The following AKT2 variants were observed in gnomAD, a reference collection of about 807,000 sequenced individuals.
AKT2 encodes RAC-beta serine/threonine-protein kinase.
AKT2 carries 16 observed loss-of-function variants against 58.6 expected under a neutral mutation model. The observed-to-expected ratio is 0.27, with a 90% CI of 0.18 to 0.41. The LOEUF is 0.41. AKT2 is among the 10% of genes least tolerant of loss of function. The probability of loss-of-function intolerance (pLI) is 1.00; values close to 1 mark genes in which losing one functional copy is unlikely to be tolerated. For synonymous variants in AKT2, 253 were observed against 254.0 expected (o/e 1.00, Z 0.04); for missense variants, 438 against 661.0 (o/e 0.66, Z 3.70).
intron 4 of AKT2, among the ~76,000 whole-genome samples, chr19:40,253,334 A>C (rs1385510901): frequency 6.6e-6 from 1 of 152,206 alleles, no homozygotes; most frequent in African/African-American, 2.4e-5. Flanking sequence ...TGTTTCTCAA[A>C]GTGAGGCCCA....
At chr19:40,267,350 C>T (rs1437414650) in intron 1 of AKT2, among the ~76,000 whole-genome samples, 3 of 152,148 alleles carry the variant, frequency 2.0e-5, no homozygotes, top group African/African-American at 4.8e-5. Flanking sequence ...AGGACCATGA[C>T]GTTGACTATT....
At position 40,285,333 on chromosome 19, in the gene AKT2, C is replaced by A. The variant is rs1030461830; in HGVS notation, c.-237G>T. ...GACGCCTCCTCCGAGGCAGGCCCAA[C>A]GGCTAGCACGGCGCGGCCCCCCCCG... On this transcript the variant is annotated 5_prime_UTR_variant, in exon 1 of 14. Transcript: ENST00000392038. 1.5e-5 allele frequency: 6 copies of A among 393,332 alleles called. No individual in the cohort carries two copies. The highest frequency in any genetic ancestry group is 6.4e-4 in the Middle Eastern group (1 of 1,558). The allele number at this position is 393,332 out of a possible 1,614,324, so 24.4% of individuals were successfully genotyped here.
At chr19:40,283,244 T>G (rs1035022412) in intron 1 of AKT2, 1 of 152,214 alleles carries the variant, frequency 6.6e-6, no homozygotes, top group Non-Finnish European at 1.5e-5. Flanking sequence ...TTCAGCAAGT[T>G]TATCTATATG....
chr19:40,248,006 G>A (rs999144224), intron 4 of AKT2, among the ~76,000 whole-genome samples: 1 of 152,194 alleles, frequency 6.6e-6, no homozygotes, highest in Non-Finnish European at 1.5e-5. Context: ...CACAGTACGG[G>A]GCAAGCACAG....
chr19:40,247,635 C>T (rs1433511607), intron 4 of AKT2, among the ~76,000 whole-genome samples: 1 of 152,198 alleles, frequency 6.6e-6, no homozygotes, highest in African/African-American at 2.4e-5. Context: ...AAGCCATGAT[C>T]TGCACCCGCT....
chr19:40,252,093 A>G (rs1975200080), intron 4 of AKT2, among the ~76,000 whole-genome samples: 1 of 152,156 alleles, frequency 6.6e-6, no homozygotes, highest in African/African-American at 2.4e-5. Context: ...CCTAGCCAAC[A>G]AGCAGTCACC....
intron 1 of AKT2, among the ~76,000 whole-genome samples, chr19:40,271,082 G>A (rs549133687): frequency 8.0e-4 from 120 of 150,564 alleles, no homozygotes; most frequent in Non-Finnish European, 1.4e-3. Context: ...GCTCACACCT[G>A]TAATCTCAGC....
intron 1 of AKT2, chr19:40,282,268 C>A (rs1195553726): frequency 3.0e-6 from 1 of 334,114 alleles, no homozygotes; most frequent in African/African-American, 2.2e-5. Context: ...TCATTTAATC[C>A]TCACAACAGC....
chr19:40,254,952 T>C (rs113927139), intron 4 of AKT2, among the ~76,000 whole-genome samples: 6 of 152,116 alleles, frequency 3.9e-5, no homozygotes, highest in African/African-American at 1.4e-4. Context: ...GTGATTCCGA[T>C]GCACCCGCAA....
intron 4 of AKT2, among the ~76,000 whole-genome samples, chr19:40,249,987 C>T (rs576806885): frequency 2.6e-5 from 4 of 152,228 alleles, no homozygotes; most frequent in South Asian, 2.1e-4. Flanking sequence ...CTTAGACAAA[C>T]GCGACAGCAA....
Position 40,238,888 on chromosome 19 carries a change from AG to A in AKT2, c.708+16del. ...AAGGAGGCCCCAGAGGGCAAAGTCA[AG>A]GCAGCCGCGGCTCACCTCACCCCCG... On this transcript the variant is annotated intron_variant, in intron 8 of 13. Coordinates refer to ENST00000392038, the MANE Select transcript of AKT2 (RefSeq NM_001626.6). This position sits in a 1 kb window ranked among gnomAD's most constrained non-coding sequence, Gnocchi z 5.1. 6.2e-7 allele frequency: 1 copy of A among 1,613,936 alleles called. No individual in the cohort carries two copies. Among genetic ancestry groups the A allele is most frequent in the South Asian group, 1.1e-5 (1 of 91,080 alleles).
In AKT2 at chr19:40,265,229, G is replaced by C; in HGVS notation, c.39C>G (p.His13Gln). 2 of 1,613,282 alleles carry C rather than the reference G, an allele frequency of 1.2e-6. No individual in the cohort carries two copies. The highest frequency in any genetic ancestry group is 2.2e-5 in the South Asian group (2 of 90,802). The change falls in exon 2 of 14, where the codon CAC becomes CAG. Residue 13 changes from histidine to glutamine, a missense_variant. Physicochemically the swap from His to Gln is conservative, Grantham distance 24. Transcript: ENST00000392038. ...GCAAAAGCGGCCTCTTACCACGCTT[G>C]TGGAGCCAGCCTTCTTTGATGACAG... ...EVSVIKEGWLHKRGEYIKTWR... is the reference protein window; with the variant it reads ...EVSVIKEGWLQKRGEYIKTWR...
Position 40,231,494 on chromosome 19 carries a change from A to G in AKT2, c.*2378T>C. On this transcript the variant is annotated 3_prime_UTR_variant, in exon 14 of 14. Transcript: ENST00000392038. Reference sequence around the variant, plus strand: ...AGCTGTAGCTAACTCTGATTTCTGTAAATTGGATCTGACTTTTTCTGCTTA... The same window carrying G: ...AGCTGTAGCTAACTCTGATTTCTGTGAATTGGATCTGACTTTTTCTGCTTA... 1 of 233,324 alleles carries G rather than the reference A, an allele frequency of 4.3e-6. No homozygotes were observed. Among genetic ancestry groups the G allele is most frequent in the Non-Finnish European group, 8.5e-6 (1 of 118,058 alleles). The allele number at this position is 233,324 out of a possible 1,614,324, so 14.5% of individuals were successfully genotyped here.
intron 1 of AKT2, chr19:40,265,567 C>A: frequency 1.7e-6 from 1 of 601,808 alleles, no homozygotes; most frequent in South Asian, 2.0e-5. Context: ...AGCAGAGCTC[C>A]CCGGCCTAAG....
rs1974455967 is a variant in AKT2 at position 40,242,266 on chromosome 19, G to A, written c.442-197C>T. The A allele has an allele frequency of 1.1e-5, 10 of 901,584 alleles. No individual in the cohort carries two copies. In the South Asian group the frequency reaches 1.5e-4, roughly 14 times the overall value. 55.8% of individuals were successfully genotyped at this position (901,584 alleles called of 1,614,324 possible). A position where few individuals can be genotyped will look rare whatever the true frequency, so the allele number is the denominator to read the frequency against. ...CAGGCTCTGCAGGCACAGGGCCTTG[G>A]GAGGGCTGGGCTCTGACGTGGGGGT... On this transcript the variant is annotated intron_variant, in intron 5 of 13. Transcript: ENST00000392038. This position sits in a 1 kb window ranked among gnomAD's most constrained non-coding sequence, Gnocchi z 4.3.
At chr19:40,243,140 C>CAAAA in intron 4 of AKT2, 5 of 115,490 alleles carry the variant, frequency 4.3e-5, no homozygotes, top group East Asian at 4.6e-4. Flanking sequence ...GACTCCGTCT[C>CAAAA]AAAAAAAAAA....
intron 4 of AKT2, among the ~76,000 whole-genome samples, chr19:40,245,543 T>C (rs1314289292): frequency 6.6e-6 from 1 of 151,406 alleles, no homozygotes; most frequent in African/African-American, 2.4e-5. Flanking sequence ...GAACTGGGAG[T>C]CGAAGGAAAG....
chr19:40,239,897 C>T (rs752039870), intron 7 of AKT2, 148 bp downstream of exon 7: 4 of 956,822 alleles, frequency 4.2e-6, no homozygotes, highest in South Asian at 1.3e-5. Context: ...TGTCTTGGTT[C>T]GGATGACTTG....
In AKT2 at chr19:40,238,888, A is replaced by G. The variant is rs555897432; in HGVS notation, c.708+17T>C. ...AAGGAGGCCCCAGAGGGCAAAGTCA[A>G]GGCAGCCGCGGCTCACCTCACCCCC... On this transcript the variant is annotated intron_variant, in intron 8 of 13. Coordinates refer to ENST00000392038, the MANE Select transcript of AKT2 (RefSeq NM_001626.6). The surrounding 1 kb of genome is among the most constrained non-coding windows in gnomAD (Gnocchi z 5.1). 5 of 1,613,936 alleles carry G rather than the reference A, an allele frequency of 3.1e-6. No homozygotes were observed. The highest frequency in any genetic ancestry group is 2.7e-5 in the African/African-American group (2 of 75,050).
Sources: gnomAD v4.1 joint callset for allele counts (sites outside exome capture counted in the v4.1 genomes callset) on GRCh38, gnomAD v4.1.1 for gene constraint, Gnocchi (gnomAD v3.1) non-coding constraint, MANE v1.5 for transcripts, NCBI Gene and HGNC (gene_info 2026-07-23, HGNC 2026-07-21) for gene names.